Variants in ZNF493 observed in about 807,000 individuals in gnomAD.
The protein encoded by ZNF493 is zinc finger protein 493.
Under a neutral mutation model 12.2 loss-of-function variants are expected in ZNF493, and 11 were observed. That is an observed-to-expected ratio of 0.90 (90% CI 0.57 to 1.50). The LOEUF (loss-of-function observed/expected upper bound fraction) is 1.50. Among genes scored for constraint, ZNF493 ranks in the 40% most tolerant of loss-of-function variants. The probability of loss-of-function intolerance (pLI) is 0.00; values close to 1 mark genes in which losing one functional copy is unlikely to be tolerated. For missense variants in ZNF493, 950 were observed against 906.6 expected, an observed-to-expected ratio of 1.05 and a Z score of -0.61; for synonymous variants, 286 against 302.6, an observed-to-expected ratio of 0.95 and a Z score of 0.57.
At chr19:21,420,348 T>C (rs888303164) in intron 3 of ZNF493, among the ~76,000 whole-genome samples, 1 of 151,818 alleles carries the variant, frequency 6.6e-6, no homozygotes, top group African/African-American at 2.4e-5. Context: ...TATATAGATG[T>C]ATTCTTTGTG....
intron 3 of ZNF493, among the ~76,000 whole-genome samples, chr19:21,419,437 C>T (rs185042585): frequency 4.6e-5 from 7 of 152,054 alleles, no homozygotes; most frequent in Admixed American, 4.6e-4. Context: ...CACAACAGGC[C>T]GTCTGCAAGC....
At chr19:21,410,663 AT>A (rs1173985380) in intron 3 of ZNF493, among the ~76,000 whole-genome samples, 1 of 151,748 alleles carries the variant, frequency 6.6e-6, no homozygotes. Context: ...GTGTAGTTAC[AT>A]TTTTCTGTTT....
At chr19:21,413,152 C>A (rs762185781) in intron 3 of ZNF493, 3 of 312,824 alleles carry the variant, frequency 9.6e-6, no homozygotes, top group Non-Finnish European at 1.8e-5. Context: ...GCAATGCAAT[C>A]TTTCTAAAGA....
intron 3 of ZNF493, among the ~76,000 whole-genome samples, chr19:21,414,812 C>T (rs2030431918): frequency 6.6e-6 from 1 of 152,192 alleles, no homozygotes; most frequent in South Asian, 2.1e-4. Flanking sequence ...TCTGTAAAAA[C>T]ATACTCAGCA....
chr19:21,413,076 A>G, intron 3 of ZNF493: 1 of 295,472 alleles, frequency 3.4e-6, no homozygotes, highest in Non-Finnish European at 6.5e-6. Context: ...TAAGCTAAAC[A>G]TCCCCTTAGG....
At chr19:21,415,610 G>A (rs186885998) in intron 3 of ZNF493, among the ~76,000 whole-genome samples, 30 of 152,236 alleles carry the variant, frequency 2.0e-4, no homozygotes, top group African/African-American at 7.0e-4. Context: ...GCAGCACAAA[G>A]TATATCAACC....
At chr19:21,414,096 C>T (rs2030409682) in intron 3 of ZNF493, 1 of 152,084 alleles carries the variant, frequency 6.6e-6, no homozygotes, top group African/African-American at 2.4e-5. Context: ...GCTGGAATGC[C>T]CACCACCACA....
intron 1 of ZNF493, among the ~76,000 whole-genome samples, chr19:21,400,165 A>C (rs955089248): frequency 6.6e-6 from 1 of 152,194 alleles, no homozygotes; most frequent in Non-Finnish European, 1.5e-5. Context: ...TAATCCCAGC[A>C]CTTTGGGAGT....
In ZNF493 at chr19:21,424,569, C is replaced by T; in HGVS notation, c.1910C>T (p.Ala637Val). 1 of 1,613,426 alleles carries T rather than the reference C, an allele frequency of 6.2e-7. No individual in the cohort carries two copies. The highest frequency in any genetic ancestry group is 8.5e-7 in the Non-Finnish European group (1 of 1,179,734). The part of the protein sequence containing the change: ...KPYKCEECGK[A>V]FKRSSHLAGH... ...TACAAATGTGAAGAATGTGGCAAAG[C>T]TTTTAAGCGGTCCTCACACCTCGCT... Residue 637 changes from alanine to valine, a missense_variant, in exon 4 of 4, where the codon GCT becomes GTT. Ala to Val is a moderately conservative substitution (Grantham distance 64). Transcript: ENST00000392288.
At chr19:21,405,006 A>T (rs1486070983) in intron 1 of ZNF493, 123 bp from the exon 2 acceptor site, 2 of 1,468,042 alleles carry the variant, frequency 1.4e-6, no homozygotes, top group Admixed American at 5.2e-5. Flanking sequence ...GGATAATTTC[A>T]GTCATTCCTG....
rs1176150621 is a variant in ZNF493 at position 21,427,058 on chromosome 19, TTTG to T, written c.*2078_*2080del. 1 of 166,996 alleles carries T rather than the reference TTTG, an allele frequency of 6.0e-6. No homozygotes were observed. The highest frequency in any genetic ancestry group is 2.4e-5 in the African/African-American group (1 of 41,456). The allele number at this position is 166,996 out of a possible 1,614,324, so 10.3% of individuals were successfully genotyped here. A position where few individuals can be genotyped will look rare whatever the true frequency, so the allele number is the denominator to read the frequency against. On this transcript the variant is annotated 3_prime_UTR_variant, in exon 4 of 4. Coordinates refer to ENST00000392288, the MANE Select transcript of ZNF493 (RefSeq NM_001076678.3). ...ATTCACTTGTGAAAGCTTGTGATCA[TTTG>T]TTGCTGCATCAGAGGTATGAGAGAT...
In ZNF493 at chr19:21,424,734, A is replaced by G; in HGVS notation, c.2075A>G (p.Lys692Arg). 1 of 1,613,494 alleles carries G rather than the reference A, an allele frequency of 6.2e-7. No individual in the cohort carries two copies. The highest frequency in any genetic ancestry group is 8.5e-7 in the Non-Finnish European group (1 of 1,179,654). ...EKPYKCEKCG[K>R]TFYRFSNLNT... ...CCCTACAAATGTGAAAAATGTGGCA[A>G]AACTTTCTACCGATTCTCAAACCTT... The change falls in exon 4 of 4, where the codon AAA becomes AGA. Residue 692 changes from lysine to arginine, a missense_variant. Lys to Arg is a conservative substitution (Grantham distance 26, BLOSUM62 2). Transcript: ENST00000392288.
Position 21,424,028 on chromosome 19 carries a change from G to C in ZNF493, c.1369G>C (p.Glu457Gln). The C allele has an allele frequency of 6.2e-7, 1 of 1,613,400 alleles. No individual in the cohort carries two copies. The highest frequency in any genetic ancestry group is 8.5e-7 in the Non-Finnish European group (1 of 1,179,764). The change falls in exon 4 of 4, where the codon GAA becomes CAA. Residue 457 changes from glutamate to glutamine, a missense_variant. By Grantham distance (29) the Glu-to-Gln change is conservative. Coordinates refer to ENST00000392288, the MANE Select transcript of ZNF493 (RefSeq NM_001076678.3). ...TACTAAACATAAAATAATTCATACA[G>C]AAGAGAAACCCTACAAATGTGAAGA... ...ILTKHKIIHT[E>Q]EKPYKCEECG...
intron 3 of ZNF493, among the ~76,000 whole-genome samples, chr19:21,411,275 C>G (rs1472432106): frequency 6.6e-6 from 1 of 152,098 alleles, no homozygotes. Context: ...TTTCTGGGCT[C>G]TCTGTTCTGT....
At chr19:21,411,882 A>G (rs1239698268) in intron 3 of ZNF493, 1 of 152,006 alleles carries the variant, frequency 6.6e-6, no homozygotes, top group African/African-American at 2.4e-5. Context: ...TCCTCCCTCA[A>G]TCTCACATTG....
intron 3 of ZNF493, chr19:21,408,786 T>C: frequency 1.0e-6 from 1 of 983,864 alleles, no homozygotes; most frequent in South Asian, 4.7e-5. Flanking sequence ...AAGATAGCCA[T>C]ATGTCTATCA....
Position 21,424,323 on chromosome 19 carries a change from A to G in ZNF493, c.1664A>G (p.Asn555Ser), listed in dbSNP as rs889910929. 6.2e-7 allele frequency: 1 copy of G among 1,613,146 alleles called. No individual in the cohort carries two copies. Among genetic ancestry groups the G allele is most frequent in the African/African-American group, 1.3e-5 (1 of 74,738 alleles). ...TGTGAAGAATGTGGCAAAGCTTTTA[A>G]TCGGTCCTCACACCTTACTACACAT... ...YKCEECGKAF[N>S]RSSHLTTHKR... The change falls in exon 4 of 4, where the codon AAT becomes AGT. Residue 555 changes from asparagine (N) to serine (S), a missense_variant. By Grantham distance (46) the Asn-to-Ser change is conservative. Transcript: ENST00000392288.
At chr19:21,404,205 T>C (rs1157309846) in intron 1 of ZNF493, among the ~76,000 whole-genome samples, 1 of 152,214 alleles carries the variant, frequency 6.6e-6, no homozygotes, top group Non-Finnish European at 1.5e-5. Context: ...TTATTAAAAA[T>C]TGCAGAACAT....
chr19:21,406,347 T>G (rs1022659814), intron 3 of ZNF493, among the ~76,000 whole-genome samples: 17 of 144,628 alleles, frequency 1.2e-4, no homozygotes, highest in East Asian at 3.9e-4. Context: ...CATTTTTTTG[T>G]TTTTTTTTTG....
Sources: allele counts gnomAD v4.1 joint callset (sites outside exome capture counted in the v4.1 genomes callset), GRCh38; gene constraint gnomAD v4.1.1; transcripts MANE v1.5; gene names NCBI Gene and HGNC (gene_info 2026-07-23, HGNC 2026-07-21).